AQP1: variants seen among roughly 807,000 people sequenced by gnomAD.
AQP1 encodes the protein aquaporin 1 (Colton blood group).
Under a neutral mutation model 19.7 loss-of-function variants are expected in AQP1, and 11 were observed. That is an observed-to-expected ratio of 0.56 (90% CI 0.35 to 0.92). The LOEUF is 0.92. AQP1 is among the 40% of genes least tolerant of loss of function. The pLI is 0.01. For synonymous variants in AQP1, 159 were observed against 166.7 expected, an observed-to-expected ratio of 0.95 and a Z score of 0.36; for missense variants, 320 against 369.7, an observed-to-expected ratio of 0.87 and a Z score of 1.10.
intron 1 of AQP1, among the ~76,000 whole-genome samples, chr7:30,914,692 G>C (rs1013309076): frequency 3.3e-5 from 5 of 152,250 alleles, no homozygotes; most frequent in African/African-American, 1.2e-4. Context: ...ATGACCTGGG[G>C]TAGGCTCCTG....
chr7:30,911,957 C>T lies in AQP1; in HGVS notation c.48C>T (p.Ala16=), dbSNP rs747080951. The change falls in exon 1 of 4, where the codon GCC becomes GCT. Residue 16 remains alanine (A), a synonymous_variant. Coordinates refer to ENST00000311813, the MANE Select transcript of AQP1 (RefSeq NM_198098.4). ...AGCTCTTCTGGAGGGCAGTGGTGGC[C>T]GAGTTCCTGGCCACGACCCTCTTTG... ...KKKLFWRAVV[A]EFLATTLFVF... 30 of 1,613,368 alleles carry T rather than the reference C, an allele frequency of 1.9e-5. No individual in the cohort carries two copies. In the African/African-American group the frequency reaches 1.9e-4, roughly 10 times the overall value.
rs914070676 is a variant in AQP1, at chr7:30,923,489, G to A, written c.670G>A (p.Val224Ile). The change falls in exon 4 of 4, where the codon GTA (valine) becomes ATA (isoleucine). Residue 224 changes from valine (V) to isoleucine (I), a missense_variant. Val to Ile is a conservative substitution (Grantham distance 29). Transcript: ENST00000311813. The surrounding 1 kb of genome is among the most constrained non-coding windows in gnomAD (Gnocchi z 4.8). The part of the protein sequence containing the change: ...VGPFIGGALA[V>I]LIYDFILAPR... ...GCCATTCATCGGGGGAGCCCTGGCT[G>A]TACTCATCTACGACTTCATCCTGGC... is the stretch of plus-strand genomic sequence containing the variant. 5.0e-6 allele frequency: 8 copies of A among 1,613,942 alleles called. No homozygotes were observed. The highest frequency in any genetic ancestry group is 6.8e-6 in the Non-Finnish European group (8 of 1,180,000).
chr7:30,916,175 C>T (rs897763970), intron 1 of AQP1, among the ~76,000 whole-genome samples: 54 of 152,298 alleles, frequency 3.5e-4, no homozygotes, highest in African/African-American at 1.3e-3. Flanking sequence ...CTGAAGGGGC[C>T]ATGCTTTGAG....
At position 30,911,884 on chromosome 7, in the gene AQP1, G is replaced by C. The variant is rs193214487; in HGVS notation, c.-26G>C. ...CAGAGGGAATTGAGCACCCGGCAGC[G>C]GTCTCAGGCCAAGCCCCCTGCCAGC... On this transcript the variant is annotated 5_prime_UTR_variant, in exon 1 of 4. Transcript: ENST00000311813. 3.1e-6 allele frequency: 5 copies of C among 1,612,242 alleles called. No individual in the cohort carries two copies. Among genetic ancestry groups the C allele is most frequent in the Non-Finnish European group, 3.4e-6 (4 of 1,179,990 alleles).
rs1313624974 is a variant in AQP1 at position 30,912,385 on chromosome 7, T to C, written c.384+92T>C. ...CTGCCCATTGTGCAGATGGGGACAC[T>C]GAGGAACGGAGAGGACAAGAGGTTG... On this transcript the variant is annotated intron_variant, in intron 1 of 3. Coordinates refer to ENST00000311813, the MANE Select transcript of AQP1 (RefSeq NM_198098.4). The surrounding 1 kb of genome is among the most constrained non-coding windows in gnomAD (Gnocchi z 4.3). 6.5e-7 allele frequency: 1 copy of C among 1,532,758 alleles called. No homozygotes were observed. The highest frequency in any genetic ancestry group is 2.3e-5 in the East Asian group (1 of 44,130). 94.9% of individuals were successfully genotyped at this position (1,532,758 alleles called of 1,614,324 possible).
rs752919779 is a variant in AQP1 at position 30,921,710 on chromosome 7, G to A, written c.385-356G>A. ...GCTCCTGACCATCACCTTCATGCCT[G>A]GGGCTCGCCCCTTGCCTCTGGTCTT... On this transcript the variant is annotated intron_variant, in intron 1 of 3. Transcript: ENST00000311813. 5 of 1,551,042 alleles carry A rather than the reference G, an allele frequency of 3.2e-6. No homozygotes were observed. In the South Asian group the frequency reaches 5.9e-5, roughly 18 times the overall value.
At position 30,923,653 on chromosome 7, in the gene AQP1, C is replaced by T. The variant is rs200837934; in HGVS notation, c.*24C>T. On this transcript the variant is annotated 3_prime_UTR_variant, in exon 4 of 4. Transcript: ENST00000311813. The surrounding 1 kb of genome is among the most constrained non-coding windows in gnomAD (Gnocchi z 4.8). Reference sequence around the variant, plus strand: ...AGAAGGGGTCTGGCCCGGGCATCCACGTAGGGGGCAGGGGCAGGGGCGGGC... The same window carrying T: ...AGAAGGGGTCTGGCCCGGGCATCCATGTAGGGGGCAGGGGCAGGGGCGGGC... 43 of 1,249,484 alleles carry T rather than the reference C, an allele frequency of 3.4e-5. No individual in the cohort carries two copies. In the Admixed American group the frequency reaches 7.2e-4, roughly 21 times the overall value. The allele number at this position is 1,249,484 out of a possible 1,614,324, so 77.4% of individuals were successfully genotyped here. A position where few individuals can be genotyped will look rare whatever the true frequency, so the allele number is the denominator to read the frequency against.
At position 30,922,688 on chromosome 7, in the gene AQP1, A is replaced by G. The variant is rs757602791; in HGVS notation, c.630+44A>G. The G allele has an allele frequency of 5.1e-6, 8 of 1,559,038 alleles. No homozygotes were observed. In the South Asian group the frequency reaches 5.6e-5, roughly 11 times the overall value. On this transcript the variant is annotated intron_variant, in intron 3 of 3. Transcript: ENST00000311813. ...GTGGGGTGGGAAGCTTTGGTGTCCC[A>G]TGGTAAGCCTGACCCCACCCTCACA...
At chr7:30,921,382 C>T in intron 1 of AQP1, 7 of 1,404,410 alleles carry the variant, frequency 5.0e-6, no homozygotes, top group Non-Finnish European at 6.5e-6. Flanking sequence ...GAGGCTGAGG[C>T]CAGCAGTGGG....
intron 1 of AQP1, among the ~76,000 whole-genome samples, chr7:30,915,791 C>A (rs1329086040): frequency 6.6e-6 from 1 of 152,162 alleles, no homozygotes; most frequent in African/African-American, 2.4e-5. Context: ...TTTTTCTGGG[C>A]TTCAGTTTCC....
chr7:30,923,513 GC>G lies in AQP1; in HGVS notation c.698del (p.Pro233HisfsTer10). Reference sequence around the variant, plus strand: ...TGTACTCATCTACGACTTCATCCTGGCCCCACGCAGCAGTGACCTCACAGAC... The same window carrying G: ...TGTACTCATCTACGACTTCATCCTGGCCCACGCAGCAGTGACCTCACAGAC... Reference protein sequence around the residue: ...LAVLIYDFILAPRSSDLTDRV... With the variant: ...LAVLIYDFILXPRSSDLTDRV... On this transcript the variant is annotated frameshift_variant, in exon 4 of 4. Coordinates refer to ENST00000311813, the MANE Select transcript of AQP1 (RefSeq NM_198098.4). LOFTEE classifies it high-confidence loss of function. This position sits in a 1 kb window ranked among gnomAD's most constrained non-coding sequence, Gnocchi z 4.8. 6.2e-7 allele frequency: 1 copy of G among 1,614,072 alleles called. No individual in the cohort carries two copies. The highest frequency in any genetic ancestry group is 8.5e-7 in the Non-Finnish European group (1 of 1,180,014).
Position 30,923,821 on chromosome 7 carries a change from C to T in AQP1, c.*192C>T, listed in dbSNP as rs979660393. 6.6e-7 allele frequency: 1 copy of T among 1,526,088 alleles called. No homozygotes were observed. The highest frequency in any genetic ancestry group is 8.8e-7 in the Non-Finnish European group (1 of 1,136,024). 94.5% of individuals were successfully genotyped at this position (1,526,088 alleles called of 1,614,324 possible). On this transcript the variant is annotated 3_prime_UTR_variant, in exon 4 of 4. Transcript: ENST00000311813. The surrounding 1 kb of genome is among the most constrained non-coding windows in gnomAD (Gnocchi z 4.8). ...CTTTCTTTCTCTTTCTGTTTCCTGG[C>T]CTCAGAGCTTCCTGGGGACCAAGAT... is the stretch of plus-strand genomic sequence containing the variant.
At chr7:30,914,140 C>T (rs927418566) in intron 1 of AQP1, among the ~76,000 whole-genome samples, 1 of 152,206 alleles carries the variant, frequency 6.6e-6, no homozygotes, top group African/African-American at 2.4e-5. Context: ...ACCAGCCTCC[C>T]GTGCCCCATT....
rs1427860294 is a variant in AQP1, at chr7:30,923,973, C to T, written c.*344C>T. The T allele has an allele frequency of 7.9e-6, 11 of 1,393,496 alleles. No individual in the cohort carries two copies. The highest frequency in any genetic ancestry group is 1.4e-5 in the African/African-American group (1 of 69,244). 86.3% of individuals were successfully genotyped at this position (1,393,496 alleles called of 1,614,324 possible). A position where few individuals can be genotyped will look rare whatever the true frequency, so the allele number is the denominator to read the frequency against. On this transcript the variant is annotated 3_prime_UTR_variant, in exon 4 of 4. Transcript: ENST00000311813. This position sits in a 1 kb window ranked among gnomAD's most constrained non-coding sequence, Gnocchi z 4.8. The stretch of plus-strand genomic sequence containing the variant: ...CCCCCCTCGCCCCAAAGTTGCTCAC[C>T]GACTCACCTGCGCAAGTGCCTGGGA...
At chr7:30,921,961 C>T in intron 1 of AQP1, 105 bp from the exon 2 acceptor site, 1 of 1,575,984 alleles carries the variant, frequency 6.3e-7, no homozygotes, top group South Asian at 1.1e-5. Context: ...ATCTGAGGGT[C>T]CGCCCTTCAT....
At chr7:30,918,384 A>T in intron 1 of AQP1, among the ~76,000 whole-genome samples, 1 of 152,224 alleles carries the variant, frequency 6.6e-6, no homozygotes, top group East Asian at 1.9e-4. Context: ...CCCTGGACAC[A>T]TGTGGTCATC....
chr7:30,913,899 T>G (rs1229586999), intron 1 of AQP1, among the ~76,000 whole-genome samples: 1 of 152,134 alleles, frequency 6.6e-6, no homozygotes, highest in Non-Finnish European at 1.5e-5. Context: ...CAGGGAGTTC[T>G]GCTGGGTAGG....
chr7:30,923,760 T>G lies in AQP1; in HGVS notation c.*131T>G. 1.3e-6 allele frequency: 2 copies of G among 1,505,632 alleles called. No individual in the cohort carries two copies. The highest frequency in any genetic ancestry group is 8.9e-7 in the Non-Finnish European group (1 of 1,123,502). The allele number at this position is 1,505,632 out of a possible 1,614,324, so 93.3% of individuals were successfully genotyped here. ...TCACTTCCCCAAGATCTGCCAGACCTGCATGGTCAAGCCTCTTATGGGGGT... is the reference window on the plus strand; with the variant it reads ...TCACTTCCCCAAGATCTGCCAGACCGGCATGGTCAAGCCTCTTATGGGGGT... On this transcript the variant is annotated 3_prime_UTR_variant, in exon 4 of 4. Transcript: ENST00000311813. The surrounding 1 kb of genome is among the most constrained non-coding windows in gnomAD (Gnocchi z 4.8).
chr7:30,916,413 A>G (rs927983594), intron 1 of AQP1, among the ~76,000 whole-genome samples: 2 of 152,200 alleles, frequency 1.3e-5, no homozygotes, highest in African/African-American at 4.8e-5. Context: ...GGAAGCACCA[A>G]TGAGTCTGGA....
Sources: allele counts gnomAD v4.1 joint callset (sites outside exome capture counted in the v4.1 genomes callset), GRCh38; gene constraint gnomAD v4.1.1; non-coding constraint Gnocchi (gnomAD v3.1); transcripts MANE v1.5; gene names NCBI Gene and HGNC (gene_info 2026-07-23, HGNC 2026-07-21).